GRIK2: variants seen among roughly 807,000 people sequenced by gnomAD.
The protein encoded by GRIK2 is glutamate ionotropic receptor kainate type subunit 2.
A neutral mutation model predicts 100.3 loss-of-function variants in GRIK2; 32 were observed. The observed-to-expected ratio is 0.32, with a 90% CI of 0.24 to 0.43. The LOEUF is 0.43. Ranked by LOEUF, GRIK2 falls within the 20% of genes least tolerant of loss-of-function variation. The probability of loss-of-function intolerance (pLI) is 1.00; values close to 1 mark genes in which losing one functional copy is unlikely to be tolerated. For missense variants in GRIK2, 843 were observed against 1,114.9 expected (o/e 0.76, Z 3.47); for synonymous variants, 417 against 389.4 (o/e 1.07, Z -0.83).
At chr6:102,061,152 T>A (rs972710818) in intron 16 of GRIK2, among the ~76,000 whole-genome samples, 2 of 150,592 alleles carry the variant, frequency 1.3e-5, no homozygotes, top group African/African-American at 4.8e-5. Flanking sequence ...CCAAATCAGC[T>A]AAAGGATTTT....
chr6:101,565,442 CTAAAGA>C (rs1777209571), intron 2 of GRIK2, among the ~76,000 whole-genome samples: 1 of 151,936 alleles, frequency 6.6e-6, no homozygotes, highest in African/African-American at 2.4e-5. Flanking sequence ...GAATATAATT[CTAAAGA>C]TAAAGTGCAT....
rs66532199 is a variant in GRIK2 at position 101,945,910 on chromosome 6, G to GTTT, written c.2085+17291_2085+17293dup. On this transcript the variant is annotated intron_variant, in intron 14 of 16. Coordinates refer to ENST00000369134, the MANE Select transcript of GRIK2 (RefSeq NM_021956.5). The stretch of plus-strand genomic sequence containing the variant: ...GTAGATAATAGATTCTCTATCTACT[G>GTTT]TTTTTTTTTTTTTTTCATTTTTATG... Among the ~76,000 whole-genome samples the GTTT allele has an allele frequency of 1.4e-3, 183 of 131,430 alleles. 1 individual carries two copies. Among genetic ancestry groups the GTTT allele is most frequent in the African/African-American group, 4.9e-3 (177 of 36,446 alleles). 86.2% of individuals were successfully genotyped at this position (131,430 alleles called of 152,430 possible). A position where few individuals can be genotyped will look rare whatever the true frequency, so the allele number is the denominator to read the frequency against.
At chr6:101,764,095 C>G (rs767200720) in intron 7 of GRIK2, among the ~76,000 whole-genome samples, 8 of 152,160 alleles carry the variant, frequency 5.3e-5, no homozygotes, top group Non-Finnish European at 1.2e-4. Flanking sequence ...TTCACTGTCT[C>G]TCTCTCTCAT....
chr6:101,579,526 G>A (rs1777961601), intron 2 of GRIK2, among the ~76,000 whole-genome samples: 1 of 144,142 alleles, frequency 6.9e-6, no homozygotes, highest in Non-Finnish European at 1.5e-5. Flanking sequence ...TGCAATGGCT[G>A]TCCTCACTTA....
At chr6:101,833,838 A>G (rs1048036545) in intron 10 of GRIK2, among the ~76,000 whole-genome samples, 1 of 151,942 alleles carries the variant, frequency 6.6e-6, no homozygotes, top group Non-Finnish European at 1.5e-5. Context: ...CAATAATTAC[A>G]ATATTTAACT....
At chr6:101,479,621 CTCTTT>C (rs773220950) in intron 2 of GRIK2, among the ~76,000 whole-genome samples, 8 of 152,076 alleles carry the variant, frequency 5.3e-5, no homozygotes, top group Non-Finnish European at 7.4e-5. Flanking sequence ...CTAAGTTCAA[CTCTTT>C]TCTTGCTTAC....
rs562649774 is a variant in GRIK2 at position 101,560,743 on chromosome 6, AAAAAC to A, written c.116-61201_116-61197del. Among the ~76,000 whole-genome samples, 432 of 152,236 alleles carry A rather than the reference AAAAAC, an allele frequency of 2.8e-3. 4 individuals are homozygous for A. The highest frequency in any genetic ancestry group is 0.01 in the African/African-American group (421 of 41,562). Reference sequence around the variant, plus strand: ...TTTTTTTCCTTTCAAAGCAAAGAAAAAAAACAAAATCATAAATGGAAAAAATACCT... The same window carrying A: ...TTTTTTTCCTTTCAAAGCAAAGAAAAAAAATCATAAATGGAAAAAATACCT... On this transcript the variant is annotated intron_variant, in intron 2 of 16. Coordinates refer to ENST00000369134, the MANE Select transcript of GRIK2 (RefSeq NM_021956.5).
chr6:101,629,199 CTT>C (rs1486737787), intron 4 of GRIK2, among the ~76,000 whole-genome samples: 1 of 152,050 alleles, frequency 6.6e-6, no homozygotes, highest in African/African-American at 2.4e-5. Flanking sequence ...TTAAAGGAAA[CTT>C]TGCCACTCCC....
At chr6:101,576,962 A>C (rs1475564788) in intron 2 of GRIK2, among the ~76,000 whole-genome samples, 2 of 152,104 alleles carry the variant, frequency 1.3e-5, no homozygotes, top group African/African-American at 4.8e-5. Flanking sequence ...TCATGTTTTT[A>C]TATCTCGTAA....
chr6:101,857,121 A>AAAAATGGTGT (rs1447578110), intron 10 of GRIK2, among the ~76,000 whole-genome samples: 1 of 152,158 alleles, frequency 6.6e-6, no homozygotes, highest in East Asian at 1.9e-4. Context: ...AGGCAGGGGA[A>AAAAATGGTGT]AAAATGGTGT....
intron 7 of GRIK2, among the ~76,000 whole-genome samples, chr6:101,765,331 C>T (rs1410963956): frequency 6.6e-6 from 1 of 152,130 alleles, no homozygotes; most frequent in Admixed American, 6.6e-5. Flanking sequence ...CTAGCATTAG[C>T]TTAGTGCCTA....
At chr6:101,939,698 T>C (rs536403908) in intron 14 of GRIK2, among the ~76,000 whole-genome samples, 1 of 152,240 alleles carries the variant, frequency 6.6e-6, no homozygotes, top group African/African-American at 2.4e-5. Context: ...CACAGCAAAA[T>C]CAACATCGTG....
At chr6:101,765,573 C>G (rs958049041) in intron 7 of GRIK2, among the ~76,000 whole-genome samples, 1 of 152,020 alleles carries the variant, frequency 6.6e-6, no homozygotes, top group African/African-American at 2.4e-5. Flanking sequence ...GCAAAAGCTA[C>G]TTGTGTTAGT....
chr6:101,736,948 C>T (rs914149996), intron 7 of GRIK2, among the ~76,000 whole-genome samples: 2 of 152,058 alleles, frequency 1.3e-5, no homozygotes, highest in Non-Finnish European at 2.9e-5. Context: ...AAATGTCTTC[C>T]ACCAGATACC....
chr6:101,559,349 G>A (rs1391677595), intron 2 of GRIK2, among the ~76,000 whole-genome samples: 1 of 152,054 alleles, frequency 6.6e-6, no homozygotes, highest in Non-Finnish European at 1.5e-5. Context: ...GTCCAGGACT[G>A]AAGCTCTCTA....
intron 4 of GRIK2, among the ~76,000 whole-genome samples, chr6:101,673,420 C>T (rs1005699528): frequency 7.9e-5 from 12 of 152,124 alleles, no homozygotes; most frequent in African/African-American, 2.9e-4. Flanking sequence ...CTACAGATTC[C>T]AAGTGGGCAC....
intron 2 of GRIK2, among the ~76,000 whole-genome samples, chr6:101,476,670 G>A (rs1772251752): frequency 6.6e-6 from 1 of 152,068 alleles, no homozygotes; most frequent in Non-Finnish European, 1.5e-5. Flanking sequence ...TATTTTTGTA[G>A]GGTAAAGAAG....
chr6:101,728,851 A>G (rs1220557825), intron 7 of GRIK2, among the ~76,000 whole-genome samples: 1 of 152,104 alleles, frequency 6.6e-6, no homozygotes, highest in Non-Finnish European at 1.5e-5. Context: ...TGAGGCTATA[A>G]AAAGTAAGAG....
chr6:101,722,704 A>C (rs985500919), intron 7 of GRIK2, among the ~76,000 whole-genome samples: 2 of 152,092 alleles, frequency 1.3e-5, no homozygotes, highest in African/African-American at 2.4e-5. Flanking sequence ...TTGTTAGGCA[A>C]GATGAGGACC....
Sources: gnomAD v4.1 joint callset for allele counts (sites outside exome capture counted in the v4.1 genomes callset) on GRCh38, gnomAD v4.1.1 for gene constraint, MANE v1.5 for transcripts, NCBI Gene and HGNC (gene_info 2026-07-23, HGNC 2026-07-21) for gene names.